Variants in INVS observed in about 807,000 individuals in gnomAD.
INVS encodes the protein inversion of embryo turning homolog.
INVS carries 86 observed loss-of-function variants against 108.8 expected under a neutral mutation model. The observed-to-expected ratio is 0.79, with a 90% CI of 0.66 to 0.95. The LOEUF is 0.95. Ranked by LOEUF, INVS falls within the 40% of genes least tolerant of loss-of-function variation. The pLI is 0.00. For synonymous variants in INVS, 455 were observed against 473.5 expected (o/e 0.96, Z 0.51); for missense variants, 1,169 against 1,297.4 (o/e 0.90, Z 1.52).
intron 3 of INVS, among the ~76,000 whole-genome samples, chr9:100,156,114 A>G (rs1000611900): frequency 1.1e-4 from 16 of 152,140 alleles, no homozygotes; most frequent in African/African-American, 3.6e-4. Context: ...GGATGGCAAG[A>G]TATCTAACAA....
intron 3 of INVS, among the ~76,000 whole-genome samples, chr9:100,204,723 T>C (rs529846103): frequency 6.6e-6 from 1 of 152,264 alleles, no homozygotes; most frequent in East Asian, 1.9e-4. Context: ...GCTACTTTTT[T>C]TTAAGTATGC....
At chr9:100,100,794 A>G (rs1330800889) in intron 1 of INVS, among the ~76,000 whole-genome samples, 6 of 11,074 alleles carry the variant, frequency 5.4e-4, no homozygotes, top group African/African-American at 6.5e-4. Flanking sequence ...TATTATATAT[A>G]TAATATATGT....
At chr9:100,243,671 C>G (rs1198851781) in intron 7 of INVS, among the ~76,000 whole-genome samples, 3 of 152,108 alleles carry the variant, frequency 2.0e-5, no homozygotes, top group Non-Finnish European at 4.4e-5. Context: ...TTGCTGCCTT[C>G]TACATGGGTA....
chr9:100,120,386 C>G (rs1827691316), intron 2 of INVS: 1 of 154,154 alleles, frequency 6.5e-6, no homozygotes. Context: ...AATTTGCCAG[C>G]AAGAAAGAAA....
rs571288030 is a variant in INVS at position 100,265,094 on chromosome 9, G to A, written c.1571+166G>A. Among the ~76,000 whole-genome samples the A allele has an allele frequency of 5.9e-5, 9 of 151,946 alleles. No homozygotes were observed. The East Asian group carries it at 7.8e-4, about 13-fold the overall frequency. Reference sequence around the variant, plus strand: ...AGTACCTGGGATTACAGGCATGCACGATCACACCTGGCCAATTTTTTTGTA... The same window carrying A: ...AGTACCTGGGATTACAGGCATGCACAATCACACCTGGCCAATTTTTTTGTA... On this transcript the variant is annotated intron_variant, in intron 11 of 16. Coordinates refer to ENST00000262457, the MANE Select transcript of INVS (RefSeq NM_014425.5).
intron 3 of INVS, chr9:100,130,884 CTGATTGATCTACCTTGTAATACATAAG>C (rs763988282): frequency 1.3e-5 from 2 of 152,152 alleles, no homozygotes; most frequent in Non-Finnish European, 2.9e-5. Context: ...ATAATTAAAG[CTGATTGATCTACCTTGTAATACATAAG>C]TGTTTTATAA....
chr9:100,209,365 C>T (rs1830765776), intron 3 of INVS, among the ~76,000 whole-genome samples: 1 of 152,138 alleles, frequency 6.6e-6, no homozygotes, highest in Admixed American at 6.5e-5. Flanking sequence ...AGAATCCACC[C>T]TCCTTATTTT....
intron 11 of INVS, among the ~76,000 whole-genome samples, chr9:100,269,049 T>C (rs1473771722): frequency 6.6e-6 from 1 of 152,226 alleles, no homozygotes; most frequent in African/African-American, 2.4e-5. Flanking sequence ...AATACGTATG[T>C]TGTTTGCACA....
chr9:100,208,931 G>T (rs900458585), intron 3 of INVS, among the ~76,000 whole-genome samples: 4 of 152,102 alleles, frequency 2.6e-5, no homozygotes, highest in Non-Finnish European at 5.9e-5. Context: ...TTGAGTACTC[G>T]CTGTGCACTG....
intron 10 of INVS, among the ~76,000 whole-genome samples, chr9:100,256,166 T>C (rs1368273625): frequency 6.6e-6 from 1 of 152,250 alleles, no homozygotes; most frequent in Non-Finnish European, 1.5e-5. Flanking sequence ...TCCAGGAATT[T>C]ATCCATTTCT....
At chr9:100,176,086 C>G (rs1004106599) in intron 3 of INVS, 8 of 475,510 alleles carry the variant, frequency 1.7e-5, no homozygotes, top group Non-Finnish European at 2.8e-5. Flanking sequence ...TACTCAATTT[C>G]AGTCTGGGCA....
chr9:100,226,137 C>A lies in INVS; in HGVS notation c.349C>A (p.Pro117Thr). The A allele has an allele frequency of 6.2e-7, 1 of 1,613,946 alleles. No homozygotes were observed. Among genetic ancestry groups the A allele is most frequent in the Non-Finnish European group, 8.5e-7 (1 of 1,179,934 alleles). The change falls in exon 4 of 17, where the codon CCT becomes ACT. Residue 117 changes from proline to threonine, a missense_variant. Transcript: ENST00000262457. ...GCAAAAGGATCTGGAAGAGATGACT[C>A]CTTTGCACTTGACCACCCGGCACAG... The part of the protein sequence containing the change: ...WMQKDLEEMT[P>T]LHLTTRHRSP...
At chr9:100,182,961 C>G (rs1829940980) in intron 3 of INVS, among the ~76,000 whole-genome samples, 1 of 152,144 alleles carries the variant, frequency 6.6e-6, no homozygotes, top group African/African-American at 2.4e-5. Flanking sequence ...AGGATGAGTT[C>G]ATGTCCTTTC....
At chr9:100,245,364 C>T (rs1425828635) in intron 7 of INVS, among the ~76,000 whole-genome samples, 1 of 152,170 alleles carries the variant, frequency 6.6e-6, no homozygotes, top group Non-Finnish European at 1.5e-5. Context: ...ACTGCAACCT[C>T]CGTCTCCCGG....
intron 10 of INVS, among the ~76,000 whole-genome samples, chr9:100,256,721 T>C (rs934558525): frequency 2.6e-5 from 4 of 152,126 alleles, no homozygotes; most frequent in African/African-American, 4.8e-5. Context: ...TGTAGTTGAG[T>C]GGTTTTGAGT....
At chr9:100,239,212 TAGTGAAA>T (rs1831787953) in intron 5 of INVS, among the ~76,000 whole-genome samples, 1 of 152,082 alleles carries the variant, frequency 6.6e-6, no homozygotes, top group South Asian at 2.1e-4. Flanking sequence ...TTGTCTGTAA[TAGTGAAA>T]AAAAATGGGA....
rs765201028 is a variant in INVS, at chr9:100,246,746, C to A, written c.1037C>A (p.Ser346Ter). The stretch of plus-strand genomic sequence containing the variant: ...CTTAGAACTATGCTGAGCTTAAAAT[C>A]GGACATAGATATTAACATGGCTGAC... ...DVLRTMLSLK[S>*]DIDINMADKY... is the part of the protein sequence containing the mutation. Residue 346 changes from serine (S) to a stop codon, truncating the protein, a stop_gained, in exon 8 of 17, where the codon TCG becomes TAG. Transcript: ENST00000262457. LOFTEE classifies it high-confidence loss of function. The A allele has an allele frequency of 6.2e-7, 1 of 1,613,854 alleles. No individual in the cohort carries two copies. Among genetic ancestry groups the A allele is most frequent in the Non-Finnish European group, 8.5e-7 (1 of 1,179,930 alleles).
At chr9:100,216,850 C>T (rs1831003957) in intron 3 of INVS, among the ~76,000 whole-genome samples, 1 of 152,158 alleles carries the variant, frequency 6.6e-6, no homozygotes, top group Admixed American at 6.5e-5. Flanking sequence ...TTGCTTTAAT[C>T]CCACCTCTCA....
chr9:100,282,616 A>T (rs1293202663), intron 12 of INVS, among the ~76,000 whole-genome samples: 2 of 152,202 alleles, frequency 1.3e-5, no homozygotes, highest in Non-Finnish European at 1.5e-5. Context: ...AGTCCATAGC[A>T]GTCTGGATTC....
Sources: allele counts gnomAD v4.1 joint callset (sites outside exome capture counted in the v4.1 genomes callset), GRCh38; gene constraint gnomAD v4.1.1; transcripts MANE v1.5; gene names NCBI Gene and HGNC (gene_info 2026-07-23, HGNC 2026-07-21).